The following RASGRF2 variants were observed in gnomAD, a reference collection of about 807,000 sequenced individuals.
The protein encoded by RASGRF2 is ras-specific guanine nucleotide-releasing factor 2.
A neutral mutation model predicts 151.0 loss-of-function variants in RASGRF2; 76 were observed. That is an observed-to-expected ratio of 0.50 (90% CI 0.42 to 0.61). The LOEUF (loss-of-function observed/expected upper bound fraction) is 0.61, where lower values mean the gene tolerates loss of function less well. Ranked by LOEUF, RASGRF2 falls within the 20% of genes least tolerant of loss-of-function variation. RASGRF2 has a pLI of 0.00. For missense variants in RASGRF2, 1,148 were observed against 1,564.6 expected (o/e 0.73, Z 4.49); for synonymous variants, 504 against 566.5 (o/e 0.89, Z 1.57).
chr5:81,056,397 T>C (rs1452281127), intron 2 of RASGRF2, among the ~76,000 whole-genome samples: 2 of 152,368 alleles, frequency 1.3e-5, no homozygotes, highest in Non-Finnish European at 2.9e-5. Context: ...CCAGTAGTCA[T>C]TCAGGAGCAG....
chr5:81,025,343 A>G (rs917042193), intron 1 of RASGRF2, among the ~76,000 whole-genome samples: 2 of 152,166 alleles, frequency 1.3e-5, no homozygotes, highest in African/African-American at 2.4e-5. Context: ...CACAGGCCAG[A>G]CATCAACTTC....
chr5:81,160,294 G>A (rs549729554), intron 17 of RASGRF2, among the ~76,000 whole-genome samples: 13 of 152,212 alleles, frequency 8.5e-5, no homozygotes, highest in Non-Finnish European at 1.2e-4. Context: ...GGTGGCGCAC[G>A]CCTGTAATCC....
intron 18 of RASGRF2, 88 bp from the exon 19 acceptor site, chr5:81,201,242 A>C: frequency 1.0e-5 from 15 of 1,491,298 alleles, no homozygotes; most frequent in African/African-American, 1.4e-5. Flanking sequence ...CCTAGCTTCT[A>C]GAGAATTTAT....
chr5:81,012,445 G>A (rs541621622), intron 1 of RASGRF2, among the ~76,000 whole-genome samples: 1 of 152,238 alleles, frequency 6.6e-6, no homozygotes, highest in South Asian at 2.1e-4. Flanking sequence ...GCTAGACACG[G>A]AGACATTTAC....
chr5:81,170,769 G>T (rs1321687973), intron 17 of RASGRF2, among the ~76,000 whole-genome samples: 1 of 152,080 alleles, frequency 6.6e-6, no homozygotes, highest in African/African-American at 2.4e-5. Context: ...GATAATAATA[G>T]CACTTGTATG....
At position 81,121,168 on chromosome 5, in the gene RASGRF2, A is replaced by T. The variant is rs55695360; in HGVS notation, c.2471-2474A>T. On this transcript the variant is annotated intron_variant, in intron 15 of 26. Coordinates refer to ENST00000265080, the MANE Select transcript of RASGRF2 (RefSeq NM_006909.3). ...TGAACCCTGCTGTCTAGTCTTAAAA[A>T]TTTGAGTTGACAAAGAAAAAGGAGA... Among the ~76,000 whole-genome samples, 1,449 of 152,258 alleles carry T rather than the reference A, an allele frequency of 9.5e-3. 22 individuals carry two copies. Among genetic ancestry groups the T allele is most frequent in the African/African-American group, 0.034 (1,394 of 41,540 alleles).
At chr5:81,102,175 G>T (rs530747132) in intron 12 of RASGRF2, among the ~76,000 whole-genome samples, 1 of 152,278 alleles carries the variant, frequency 6.6e-6, no homozygotes, top group South Asian at 2.1e-4. Context: ...ACTTGGGAAT[G>T]ATTTTAGACT....
intron 1 of RASGRF2, among the ~76,000 whole-genome samples, chr5:81,039,500 C>T (rs959068294): frequency 1.3e-5 from 2 of 152,034 alleles, no homozygotes; most frequent in Non-Finnish European, 2.9e-5. Flanking sequence ...TGCATTAAAA[C>T]ATGTAAAGCA....
intron 18 of RASGRF2, among the ~76,000 whole-genome samples, chr5:81,192,369 T>G (rs960354786): frequency 3.9e-5 from 6 of 152,278 alleles, no homozygotes; most frequent in Admixed American, 3.9e-4. Context: ...AATTCCAAAC[T>G]TATTGCCCTT....
At chr5:81,001,702 G>A (rs536469495) in intron 1 of RASGRF2, among the ~76,000 whole-genome samples, 8 of 152,112 alleles carry the variant, frequency 5.3e-5, no homozygotes, top group Non-Finnish European at 1.2e-4. Context: ...CAACCTTTTC[G>A]AGACAATTGT....
intron 26 of RASGRF2, among the ~76,000 whole-genome samples, chr5:81,221,554 G>GTA (rs1337567007): frequency 2.6e-5 from 4 of 152,080 alleles, no homozygotes; most frequent in African/African-American, 4.8e-5. Context: ...CTTTCTGATA[G>GTA]TATAAGATGC....
intron 2 of RASGRF2, among the ~76,000 whole-genome samples, chr5:81,067,072 A>G (rs1002862116): frequency 3.3e-5 from 5 of 152,182 alleles, no homozygotes; most frequent in African/African-American, 1.2e-4. Context: ...CAGCCCTGCT[A>G]CCTACTAGCT....
intron 17 of RASGRF2, among the ~76,000 whole-genome samples, chr5:81,132,082 T>C (rs918677242): frequency 6.6e-6 from 1 of 152,226 alleles, no homozygotes; most frequent in Admixed American, 6.5e-5. Flanking sequence ...TCAACACTTA[T>C]CACTATTTGA....
chr5:80,975,314 T>A (rs987209111), intron 1 of RASGRF2, among the ~76,000 whole-genome samples: 1 of 147,728 alleles, frequency 6.8e-6, no homozygotes, highest in Non-Finnish European at 1.5e-5. Context: ...TTCAAACAGA[T>A]TTTTTTTTTT....
intron 17 of RASGRF2, among the ~76,000 whole-genome samples, chr5:81,151,560 C>T (rs1487453135): frequency 6.6e-6 from 1 of 151,986 alleles, no homozygotes; most frequent in Admixed American, 6.6e-5. Flanking sequence ...TAGAAAATTC[C>T]AAGAATGGAA....
chr5:81,186,418 G>A (rs780615421), intron 18 of RASGRF2, among the ~76,000 whole-genome samples: 2 of 151,974 alleles, frequency 1.3e-5, no homozygotes, highest in Non-Finnish European at 2.9e-5. Context: ...ATATATTCAG[G>A]ACAAAATCCT....
At chr5:81,204,962 T>C (rs1236967488) in intron 19 of RASGRF2, among the ~76,000 whole-genome samples, 1 of 152,198 alleles carries the variant, frequency 6.6e-6, no homozygotes, top group Admixed American at 6.5e-5. Flanking sequence ...CTGGTACACA[T>C]AATTATGGAG....
intron 17 of RASGRF2, among the ~76,000 whole-genome samples, chr5:81,156,117 A>G (rs1326796754): frequency 6.7e-6 from 1 of 149,128 alleles, no homozygotes; most frequent in Admixed American, 6.8e-5. Flanking sequence ...TAAGATACAA[A>G]TGATCAAAAC....
chr5:81,084,798 CTGAG>C (rs1426192085), intron 7 of RASGRF2, among the ~76,000 whole-genome samples: 1 of 152,166 alleles, frequency 6.6e-6, no homozygotes, highest in African/African-American at 2.4e-5. Context: ...CTTTCAAGTG[CTGAG>C]TGAGACCTCA....
Sources: gnomAD v4.1 joint callset for allele counts (sites outside exome capture counted in the v4.1 genomes callset) on GRCh38, gnomAD v4.1.1 for gene constraint, MANE v1.5 for transcripts, NCBI Gene and HGNC (gene_info 2026-07-23, HGNC 2026-07-21) for gene names.